Variants in CADM2 observed in about 807,000 individuals in gnomAD.
CADM2 encodes the protein cell adhesion molecule 2.
Under a neutral mutation model 49.8 loss-of-function variants are expected in CADM2, and 12 were observed. That is an observed-to-expected ratio of 0.24 (90% CI 0.15 to 0.39). The LOEUF is 0.39. Among genes scored for constraint, CADM2 ranks in the 10% least tolerant of loss-of-function variants. The probability of loss-of-function intolerance (pLI) is 1.00; values close to 1 mark genes in which losing one functional copy is unlikely to be tolerated. For synonymous variants in CADM2, 214 were observed against 175.4 expected (o/e 1.22, Z -1.74); for missense variants, 378 against 492.3 (o/e 0.77, Z 2.20).
intron 1 of CADM2, among the ~76,000 whole-genome samples, chr3:85,295,309 G>A (rs1337407734): frequency 1.3e-5 from 2 of 151,964 alleles, no homozygotes; most frequent in Non-Finnish European, 1.5e-5. Context: ...TGGAGAGGAT[G>A]TGGAGAAATA....
chr3:85,343,385 A>G (rs1559789946), intron 1 of CADM2, among the ~76,000 whole-genome samples: 1 of 152,148 alleles, frequency 6.6e-6, no homozygotes, highest in Non-Finnish European at 1.5e-5. Context: ...TTGGATCCAA[A>G]TATCTCTCGC....
rs1739408755 is a variant in CADM2 at position 86,067,006 on chromosome 3, C to T, written c.*223C>T. On this transcript the variant is annotated 3_prime_UTR_variant, in exon 10 of 10. Coordinates refer to ENST00000383699, the MANE Select transcript of CADM2 (RefSeq NM_001167675.2). ...GACATTTCTTACTGCCTAAATTTCACACCATTGCTCTTTTAACATACAGTG... is the reference window on the plus strand; with the variant it reads ...GACATTTCTTACTGCCTAAATTTCATACCATTGCTCTTTTAACATACAGTG... 1 of 519,784 alleles carries T rather than the reference C, an allele frequency of 1.9e-6. No homozygotes were observed. Among genetic ancestry groups the T allele is most frequent in the Non-Finnish European group, 3.4e-6 (1 of 290,112 alleles). The allele number at this position is 519,784 out of a possible 1,614,324, so 32.2% of individuals were successfully genotyped here. A position where few individuals can be genotyped will look rare whatever the true frequency, so the allele number is the denominator to read the frequency against.
chr3:85,490,494 G>A (rs973853783), intron 1 of CADM2, among the ~76,000 whole-genome samples: 18 of 152,098 alleles, frequency 1.2e-4, no homozygotes, highest in African/African-American at 4.3e-4. Context: ...CAAGGTAGAA[G>A]GATTGCTTAA....
At chr3:85,447,252 G>T (rs908708583) in intron 1 of CADM2, among the ~76,000 whole-genome samples, 3 of 151,618 alleles carry the variant, frequency 2.0e-5, no homozygotes, top group Non-Finnish European at 4.4e-5. Flanking sequence ...GTGACTTCCA[G>T]TGGATATATG....
At chr3:85,769,541 G>GTATATACACATATATACA (rs2069931988) in intron 2 of CADM2, among the ~76,000 whole-genome samples, 1 of 40,956 alleles carries the variant, frequency 2.4e-5, no homozygotes, top group Non-Finnish European at 4.3e-5. Flanking sequence ...ATATATACAC[G>GTATATACACATATATACA]TATATACATA....
At chr3:85,364,812 C>G (rs1161943864) in intron 1 of CADM2, among the ~76,000 whole-genome samples, 1 of 151,840 alleles carries the variant, frequency 6.6e-6, no homozygotes, top group Non-Finnish European at 1.5e-5. Flanking sequence ...GGAAACGACG[C>G]CAAGGAACAT....
chr3:85,210,125 TG>T (rs2041742871), intron 1 of CADM2, among the ~76,000 whole-genome samples: 1 of 152,212 alleles, frequency 6.6e-6, no homozygotes, highest in South Asian at 2.1e-4. Context: ...CTTTTATATG[TG>T]GTTTTTATTG....
At chr3:85,683,306 C>G (rs898821894) in intron 1 of CADM2, among the ~76,000 whole-genome samples, 1 of 152,058 alleles carries the variant, frequency 6.6e-6, no homozygotes, top group Non-Finnish European at 1.5e-5. Flanking sequence ...TGTGTTTATT[C>G]AGAATTACCC....
intron 8 of CADM2, among the ~76,000 whole-genome samples, chr3:86,057,754 A>G (rs922102725): frequency 6.6e-6 from 1 of 152,160 alleles, no homozygotes; most frequent in African/African-American, 2.4e-5. Context: ...GAGGGAAAGA[A>G]GTATGTCTTA....
chr3:85,359,611 T>A (rs1203118933), intron 1 of CADM2, among the ~76,000 whole-genome samples: 3 of 128,772 alleles, frequency 2.3e-5, no homozygotes, highest in Non-Finnish European at 3.2e-5. Context: ...CTTTCTCTGA[T>A]TATTTTTATT....
At chr3:85,026,921 T>C (rs1011311342) in intron 1 of CADM2, among the ~76,000 whole-genome samples, 4 of 151,960 alleles carry the variant, frequency 2.6e-5, no homozygotes, top group Non-Finnish European at 5.9e-5. Context: ...GTTAAACAAC[T>C]ATTTTATGTA....
At chr3:85,872,862 G>A (rs1384010369) in intron 3 of CADM2, among the ~76,000 whole-genome samples, 3 of 151,888 alleles carry the variant, frequency 2.0e-5, no homozygotes, top group South Asian at 2.1e-4. Flanking sequence ...TCTTTTTTGT[G>A]CCTTTTGCTA....
intron 3 of CADM2, among the ~76,000 whole-genome samples, chr3:85,822,134 G>A (rs2073617619): frequency 6.6e-6 from 1 of 152,116 alleles, no homozygotes; most frequent in Admixed American, 6.5e-5. Context: ...ATTGGTTACA[G>A]CATTTCTTGC....
intron 3 of CADM2, among the ~76,000 whole-genome samples, chr3:85,824,306 T>C (rs1450086077): frequency 6.6e-6 from 1 of 152,156 alleles, no homozygotes; most frequent in Non-Finnish European, 1.5e-5. Context: ...AGCCTTTGCT[T>C]ATCCATGGTT....
intron 1 of CADM2, among the ~76,000 whole-genome samples, chr3:85,602,748 C>A (rs919632987): frequency 2.0e-5 from 3 of 151,678 alleles, no homozygotes; most frequent in African/African-American, 4.8e-5. Flanking sequence ...TGAGCATAGG[C>A]AGTTTTAGGT....
chr3:85,553,596 C>T (rs2029132), intron 1 of CADM2, among the ~76,000 whole-genome samples: 1 of 151,880 alleles, frequency 6.6e-6, no homozygotes, highest in Non-Finnish European at 1.5e-5. Flanking sequence ...CCTACAGAGC[C>T]GTGGTCCTCA....
chr3:85,857,461 T>C (rs919720566), intron 3 of CADM2, among the ~76,000 whole-genome samples: 1 of 152,148 alleles, frequency 6.6e-6, no homozygotes, highest in African/African-American at 2.4e-5. Flanking sequence ...CCATAAACTC[T>C]TTTTATCCTC....
intron 2 of CADM2, among the ~76,000 whole-genome samples, chr3:85,797,110 AG>A (rs917142368): frequency 1.3e-4 from 19 of 151,648 alleles, no homozygotes; most frequent in Non-Finnish European, 2.1e-4. Context: ...AAAAAGAAAA[AG>A]AAAAAAAAAA....
intron 1 of CADM2, among the ~76,000 whole-genome samples, chr3:85,151,721 G>A (rs1476810323): frequency 1.3e-5 from 2 of 152,106 alleles, no homozygotes; most frequent in Non-Finnish European, 2.9e-5. Context: ...ACATTCATTT[G>A]TTATAGTTTG....
Sources: gnomAD v4.1 joint callset for allele counts (sites outside exome capture counted in the v4.1 genomes callset) on GRCh38, gnomAD v4.1.1 for gene constraint, MANE v1.5 for transcripts, NCBI Gene and HGNC (gene_info 2026-07-23, HGNC 2026-07-21) for gene names.